Variants in DPP8 observed in about 807,000 individuals in gnomAD.
DPP8 encodes the protein dipeptidyl peptidase 8.
In DPP8, 31 loss-of-function variants were observed where a neutral mutation model predicts 107.5. That is an observed-to-expected ratio of 0.29 (90% CI 0.22 to 0.39). The LOEUF is 0.39. Ranked by LOEUF, DPP8 falls within the 10% of genes least tolerant of loss-of-function variation. The pLI, the probability that DPP8 is intolerant of heterozygous loss-of-function variation, is 1.00. For synonymous variants in DPP8, 381 were observed against 356.6 expected (o/e 1.07, Z -0.77); for missense variants, 842 against 1,076.1 (o/e 0.78, Z 3.04).
At chr15:65,510,739 A>G (rs941678857) in intron 2 of DPP8, among the ~76,000 whole-genome samples, 7 of 152,172 alleles carry the variant, frequency 4.6e-5, no homozygotes, top group Non-Finnish European at 1.0e-4. Context: ...CGGTTTCACC[A>G]TGTTGGTGAG....
In DPP8 at chr15:65,442,915, T is replaced by C. The variant is rs1169008611; in HGVS notation, c.*3969A>G. On this transcript the variant is annotated 3_prime_UTR_variant, in exon 20 of 20. Coordinates refer to ENST00000300141, the MANE Select transcript of DPP8 (RefSeq NM_130434.5). ...ACACTCACCTTATATAGTTTAGAAA[T>C]GGCCATGTCTCTTTTCTTACATCAA... is the stretch of plus-strand genomic sequence containing the variant. The C allele has an allele frequency of 2.6e-5, 4 of 152,170 alleles. No individual in the cohort carries two copies. Among genetic ancestry groups the C allele is most frequent in the East Asian group, 1.9e-4 (1 of 5,198 alleles). The allele number at this position is 152,170 out of a possible 1,614,324, so 9.4% of individuals were successfully genotyped here.
At chr15:65,477,407 T>C (rs1228787056) in intron 11 of DPP8, among the ~76,000 whole-genome samples, 1 of 151,360 alleles carries the variant, frequency 6.6e-6, no homozygotes, top group African/African-American at 2.4e-5. Flanking sequence ...AAAAAATAAA[T>C]GAATTAATTA....
chr15:65,501,131 C>A (rs2069190389), intron 3 of DPP8, among the ~76,000 whole-genome samples: 1 of 152,086 alleles, frequency 6.6e-6, no homozygotes, highest in Admixed American at 6.6e-5. Context: ...CCTGCCTCGG[C>A]CTCCCAAAGT....
intron 12 of DPP8, among the ~76,000 whole-genome samples, chr15:65,473,003 A>C (rs1317307954): frequency 6.6e-6 from 1 of 152,076 alleles, no homozygotes; most frequent in Non-Finnish European, 1.5e-5. Context: ...GTGCCACTGC[A>C]ATCCAGCCTA....
intron 4 of DPP8, among the ~76,000 whole-genome samples, chr15:65,499,079 G>GTGTC: frequency 9.9e-6 from 1 of 101,090 alleles, no homozygotes; most frequent in East Asian, 2.0e-4. Context: ...AAGTGTGTGT[G>GTGTC]TGTGTGTGTG....
intron 12 of DPP8, among the ~76,000 whole-genome samples, chr15:65,473,965 G>T (rs571802845): frequency 6.6e-6 from 1 of 152,046 alleles, no homozygotes; most frequent in African/African-American, 2.4e-5. Flanking sequence ...TTAGCCGGGC[G>T]TGGTGGCACA....
At chr15:65,516,821 G>C (rs892087832) in intron 1 of DPP8, 2 of 152,306 alleles carry the variant, frequency 1.3e-5, no homozygotes, top group African/African-American at 4.8e-5. Flanking sequence ...ATAGCACAGA[G>C]GGGGCAAAGA....
intron 11 of DPP8, among the ~76,000 whole-genome samples, chr15:65,476,398 C>G (rs1348546587): frequency 1.3e-5 from 2 of 151,764 alleles, no homozygotes; most frequent in Non-Finnish European, 2.9e-5. Context: ...CATTACAGCT[C>G]TTAAGAAAGC....
chr15:65,478,539 T>C (rs1288616978), intron 11 of DPP8, among the ~76,000 whole-genome samples: 1 of 152,192 alleles, frequency 6.6e-6, no homozygotes, highest in African/African-American at 2.4e-5. Context: ...GGATTATAGG[T>C]GTGAGCCACT....
intron 8 of DPP8, among the ~76,000 whole-genome samples, chr15:65,482,210 T>C (rs2066995896): frequency 6.6e-6 from 1 of 151,684 alleles, no homozygotes; most frequent in Admixed American, 6.6e-5. Flanking sequence ...TTAAATAAAA[T>C]ATTAATTTTT....
rs1170474124 is a variant in DPP8, at chr15:65,443,768, T to TA, written c.*3115dup. On this transcript the variant is annotated 3_prime_UTR_variant, in exon 20 of 20. Transcript: ENST00000300141. ...TAGGTTCTTGTGAATCAGTCCAGTG[T>TA]AAAAAATCACCTATTATTAATCCAA... is the stretch of plus-strand genomic sequence containing the variant. 2 of 152,202 alleles carry TA rather than the reference T, an allele frequency of 1.3e-5. No individual in the cohort carries two copies. The highest frequency in any genetic ancestry group is 6.5e-5 in the Admixed American group (1 of 15,274). 9.4% of individuals were successfully genotyped at this position (152,202 alleles called of 1,614,324 possible). A position where few individuals can be genotyped will look rare whatever the true frequency, so the allele number is the denominator to read the frequency against.
rs369131089 is a variant in DPP8 at position 65,463,776 on chromosome 15, T to G, written c.1956A>C (p.Ile652=). 3 of 1,612,854 alleles carry G rather than the reference T, an allele frequency of 1.9e-6. No homozygotes were observed. Among genetic ancestry groups the G allele is most frequent in the African/African-American group, 2.7e-5 (2 of 74,904 alleles). The change falls in exon 15 of 20, where the codon ATA becomes ATC. Residue 652 remains isoleucine (I), a synonymous_variant. Coordinates refer to ENST00000300141, the MANE Select transcript of DPP8 (RefSeq NM_130434.5). ...PGKKYPTVLF[I]YGGPQVQLVN... is the part of the protein sequence containing the mutation. Reference sequence around the variant, plus strand: ...ATATGCCCACCTGAGGACCACCATATATGAACAGCACAGTAGGATATTTCT... The same window carrying G: ...ATATGCCCACCTGAGGACCACCATAGATGAACAGCACAGTAGGATATTTCT...
intron 8 of DPP8, 34 bp from the exon 9 acceptor site, chr15:65,481,649 A>G: frequency 8.5e-7 from 1 of 1,181,952 alleles, no homozygotes; most frequent in Non-Finnish European, 1.2e-6. Flanking sequence ...ATCTAGTTAT[A>G]GAAGATTTAG....
chr15:65,475,223 A>C (rs939799833), intron 11 of DPP8: 1 of 498,284 alleles, frequency 2.0e-6, no homozygotes. Context: ...CCCCTCCCCT[A>C]AACTCAGTAG....
chr15:65,459,021 TTTA>T (rs1239718679), intron 15 of DPP8: 5 of 150,538 alleles, frequency 3.3e-5, no homozygotes, highest in African/African-American at 1.2e-4. Flanking sequence ...CACCAGATTC[TTTA>T]TTTTTTTTTT....
chr15:65,486,078 A>G (rs1171764688), intron 7 of DPP8, among the ~76,000 whole-genome samples: 1 of 139,740 alleles, frequency 7.2e-6, no homozygotes, highest in Non-Finnish European at 1.5e-5. Context: ...TGGGCGACAC[A>G]GCGAGACTCT....
At chr15:65,500,935 T>C (rs986937789) in intron 3 of DPP8, among the ~76,000 whole-genome samples, 156 bp from the exon 4 acceptor site, 2 of 148,612 alleles carry the variant, frequency 1.3e-5, no homozygotes, top group African/African-American at 5.0e-5. Flanking sequence ...TGGAGTGCAG[T>C]GGAGCGATCT....
At chr15:65,492,068 G>A (rs992576988) in intron 5 of DPP8, among the ~76,000 whole-genome samples, 2 of 151,232 alleles carry the variant, frequency 1.3e-5, no homozygotes, top group Non-Finnish European at 3.0e-5. Context: ...TGGGCCAGGC[G>A]CAGTGGCTCA....
intron 8 of DPP8, among the ~76,000 whole-genome samples, chr15:65,483,743 A>G (rs184476944): frequency 2.0e-4 from 31 of 152,216 alleles, no homozygotes; most frequent in African/African-American, 7.2e-4. Flanking sequence ...ACTCCAGAGA[A>G]ATGAAAACAT....
Sources: gnomAD v4.1 joint callset for allele counts (sites outside exome capture counted in the v4.1 genomes callset) on GRCh38, gnomAD v4.1.1 for gene constraint, MANE v1.5 for transcripts, NCBI Gene and HGNC (gene_info 2026-07-23, HGNC 2026-07-21) for gene names.